KHDRBS2: variants seen among roughly 807,000 people sequenced by gnomAD.
KHDRBS2 encodes the protein KH domain-containing, RNA-binding, signal transduction-associated protein 2.
In KHDRBS2, 26 loss-of-function variants were observed where a neutral mutation model predicts 44.3. That is an observed-to-expected ratio of 0.59 (90% CI 0.43 to 0.81). KHDRBS2 has a LOEUF of 0.81. KHDRBS2 is among the 40% of genes least tolerant of loss of function. The pLI is 0.00. For synonymous variants in KHDRBS2, 194 were observed against 151.1 expected, an observed-to-expected ratio of 1.28 and a Z score of -2.08; for missense variants, 476 against 433.1, an observed-to-expected ratio of 1.10 and a Z score of -0.88.
intron 3 of KHDRBS2, among the ~76,000 whole-genome samples, chr6:61,994,878 G>T (rs1295263591): frequency 6.6e-6 from 1 of 152,088 alleles, no homozygotes; most frequent in African/African-American, 2.4e-5. Flanking sequence ...GACCCCAGGG[G>T]CAAGTGGGTG....
At chr6:61,676,155 T>C (rs1765925045), downstream of KHDRBS2, among the ~76,000 whole-genome samples, 1 of 151,840 alleles carries the variant, frequency 6.6e-6, no homozygotes, top group South Asian at 2.1e-4. Flanking sequence ...TTGCTGATGG[T>C]TTTTGTTCAA....
chr6:61,735,133 T>A (rs1294313475), intron 6 of KHDRBS2, among the ~76,000 whole-genome samples: 2 of 125,166 alleles, frequency 1.6e-5, no homozygotes, highest in Admixed American at 1.5e-4. Flanking sequence ...ACTGTAGCTT[T>A]TGTTTTCATT....
chr6:61,557,178 T>C, the KHDRBS2 span, among the ~76,000 whole-genome samples: 70 of 152,216 alleles, frequency 4.6e-4, no homozygotes, highest in African/African-American at 1.6e-3. Flanking sequence ...CAGCACAGGA[T>C]TTTGTTTTAG....
chr6:61,869,975 T>TGTTGTTTG, intron 6 of KHDRBS2, among the ~76,000 whole-genome samples: 1 of 96,066 alleles, frequency 1.0e-5, no homozygotes, highest in Non-Finnish European at 2.5e-5. Flanking sequence ...TTTTTTTTTT[T>TGTTGTTTG]TTTTTTTTTT....
chr6:62,151,410 C>T (rs1815160348), intron 2 of KHDRBS2, among the ~76,000 whole-genome samples: 1 of 152,136 alleles, frequency 6.6e-6, no homozygotes. Context: ...CCTGATAACC[C>T]ACTTTTTGAA....
At chr6:61,813,633 T>C (rs1788463443) in intron 6 of KHDRBS2, among the ~76,000 whole-genome samples, 1 of 152,180 alleles carries the variant, frequency 6.6e-6, no homozygotes, top group Non-Finnish European at 1.5e-5. Context: ...GTATAGTTCT[T>C]CTGTTTTATA....
At chr6:62,212,931 C>G in intron 1 of KHDRBS2, among the ~76,000 whole-genome samples, 1 of 152,042 alleles carries the variant, frequency 6.6e-6, no homozygotes, top group African/African-American at 2.4e-5. Context: ...AGGATCTGTA[C>G]TAGAAAATCA....
intron 3 of KHDRBS2, among the ~76,000 whole-genome samples, chr6:62,015,640 C>A (rs1781077101): frequency 6.6e-6 from 1 of 152,074 alleles, no homozygotes; most frequent in African/African-American, 2.4e-5. Context: ...AACTCCACCT[C>A]TAGTTTCATG....
intron 4 of KHDRBS2, among the ~76,000 whole-genome samples, chr6:61,938,602 G>T (rs1369406041): frequency 6.6e-6 from 1 of 152,152 alleles, no homozygotes; most frequent in African/African-American, 2.4e-5. Flanking sequence ...TGGCATGAGA[G>T]AACTGTGAAA....
chr6:62,220,765 T>C lies in KHDRBS2; in HGVS notation c.92-43453A>G, dbSNP rs145243359. Among the ~76,000 whole-genome samples the C allele has an allele frequency of 4.4e-3, 667 of 151,672 alleles. 2 individuals are homozygous for C. Among genetic ancestry groups the C allele is most frequent in the Non-Finnish European group, 6.8e-3 (461 of 67,734 alleles). On this transcript the variant is annotated intron_variant, in intron 1 of 8. Transcript: ENST00000281156. Reference sequence around the variant, plus strand: ...ACAGAAGGGAATCCAAGAAAAAATATGGTAACATCAAACAAGTAAGACAAA... The same window carrying C: ...ACAGAAGGGAATCCAAGAAAAAATACGGTAACATCAAACAAGTAAGACAAA...
At chr6:62,136,269 A>G (rs557272031) in intron 2 of KHDRBS2, among the ~76,000 whole-genome samples, 64 of 152,182 alleles carry the variant, frequency 4.2e-4, no homozygotes, top group Non-Finnish European at 8.1e-4. Context: ...TCCACAGGCC[A>G]CAGTTTGTCC....
the KHDRBS2 span, among the ~76,000 whole-genome samples, chr6:61,650,487 C>A: frequency 6.6e-6 from 1 of 151,446 alleles, no homozygotes; most frequent in Non-Finnish European, 1.5e-5. Context: ...AATTGAAATA[C>A]AAACATAAAT....
chr6:62,201,606 C>G (rs991375626), intron 1 of KHDRBS2, among the ~76,000 whole-genome samples: 25 of 151,978 alleles, frequency 1.6e-4, no homozygotes, highest in African/African-American at 6.0e-4. Flanking sequence ...ATACATGCTT[C>G]TTACAAAACT....
At chr6:61,771,715 T>C (rs1399317876) in intron 6 of KHDRBS2, among the ~76,000 whole-genome samples, 1 of 152,142 alleles carries the variant, frequency 6.6e-6, no homozygotes, top group Non-Finnish European at 1.5e-5. Context: ...CAAAGAGACT[T>C]AGACTCACAC....
chr6:61,578,266 G>A, the KHDRBS2 span, among the ~76,000 whole-genome samples: 1 of 152,120 alleles, frequency 6.6e-6, no homozygotes, highest in Non-Finnish European at 1.5e-5. Flanking sequence ...TCAACATTTT[G>A]TCAGGTGTTT....
intron 6 of KHDRBS2, among the ~76,000 whole-genome samples, chr6:61,827,621 T>A (rs1314603514): frequency 6.6e-6 from 1 of 152,102 alleles, no homozygotes; most frequent in Non-Finnish European, 1.5e-5. Flanking sequence ...CACCATAGAC[T>A]GGGTGGATTA....
intron 4 of KHDRBS2, among the ~76,000 whole-genome samples, chr6:61,956,309 C>G (rs1042681586): frequency 1.3e-5 from 2 of 152,156 alleles, no homozygotes; most frequent in Non-Finnish European, 2.9e-5. Context: ...ATGTTATTGA[C>G]TTGGTTTTTC....
intron 7 of KHDRBS2, among the ~76,000 whole-genome samples, chr6:61,720,113 A>AT (rs1772166121): frequency 6.6e-6 from 1 of 152,120 alleles, no homozygotes; most frequent in Non-Finnish European, 1.5e-5. Flanking sequence ...TGAACTCATC[A>AT]TTTTTATGGC....
chr6:62,062,812 AC>A (rs2127329493), intron 2 of KHDRBS2, among the ~76,000 whole-genome samples: 1 of 148,146 alleles, frequency 6.8e-6, no homozygotes, highest in South Asian at 2.2e-4. Context: ...GACACAAAAA[AC>A]CCTTCAAAAA....
Sources: gnomAD v4.1 joint callset for allele counts (sites outside exome capture counted in the v4.1 genomes callset) on GRCh38, gnomAD v4.1.1 for gene constraint, MANE v1.5 for transcripts, NCBI Gene and HGNC (gene_info 2026-07-23, HGNC 2026-07-21) for gene names.